EXOC6B: variants seen among roughly 807,000 people sequenced by gnomAD.
The protein encoded by EXOC6B is exocyst complex component 6B, also known as SEC15 homolog B.
A neutral mutation model predicts 113.5 loss-of-function variants in EXOC6B; 54 were observed. That is an observed-to-expected ratio of 0.48 (90% CI 0.38 to 0.60). EXOC6B has a LOEUF of 0.60. Ranked by LOEUF, EXOC6B falls within the 20% of genes least tolerant of loss-of-function variation. The probability of loss-of-function intolerance (pLI) is 0.00; values close to 1 mark genes in which losing one functional copy is unlikely to be tolerated. For missense variants in EXOC6B, 797 were observed against 977.5 expected, an observed-to-expected ratio of 0.82 and a Z score of 2.46; for synonymous variants, 357 against 339.0, an observed-to-expected ratio of 1.05 and a Z score of -0.58.
At chr2:72,422,029 G>T (rs1051897948) in intron 18 of EXOC6B, among the ~76,000 whole-genome samples, 1 of 152,216 alleles carries the variant, frequency 6.6e-6, no homozygotes, top group Non-Finnish European at 1.5e-5. Flanking sequence ...CCGGTGCTGC[G>T]CTCGATTTCT....
chr2:72,491,078 C>T (rs1281643386), intron 16 of EXOC6B, among the ~76,000 whole-genome samples: 1 of 152,136 alleles, frequency 6.6e-6, no homozygotes, highest in East Asian at 1.9e-4. Context: ...ATTTTCACTC[C>T]AACCTTCCTT....
chr2:72,587,524 TG>T (rs1705666570), intron 6 of EXOC6B, among the ~76,000 whole-genome samples: 1 of 152,142 alleles, frequency 6.6e-6, no homozygotes, highest in South Asian at 2.1e-4. Flanking sequence ...GAATCACACG[TG>T]TAACAAACCT....
At chr2:72,524,150 TAAAAAAAAAA>T (rs372964134) in intron 8 of EXOC6B, among the ~76,000 whole-genome samples, 1 of 116,758 alleles carries the variant, frequency 8.6e-6, no homozygotes, top group African/African-American at 3.0e-5. Context: ...ATACAGAGTT[TAAAAAAAAAA>T]AAAAAAAAAA....
intron 19 of EXOC6B, chr2:72,354,186 A>G (rs1049039281): frequency 1.3e-5 from 2 of 152,216 alleles, no homozygotes; most frequent in African/African-American, 4.8e-5. Context: ...GCCACTGTCC[A>G]TAGTTAGAGA....
intron 1 of EXOC6B, among the ~76,000 whole-genome samples, chr2:72,762,935 T>A (rs556649955): frequency 6.6e-6 from 1 of 152,116 alleles, no homozygotes; most frequent in East Asian, 1.9e-4. Context: ...TTAAGGATTG[T>A]ATGTTATATA....
At chr2:72,249,981 T>C (rs1214750144) in intron 20 of EXOC6B, among the ~76,000 whole-genome samples, 1 of 152,212 alleles carries the variant, frequency 6.6e-6, no homozygotes, top group Non-Finnish European at 1.5e-5. Flanking sequence ...AATGTAAGCT[T>C]CCTGAATGTA....
At chr2:72,420,056 G>A (rs1258389564) in intron 18 of EXOC6B, among the ~76,000 whole-genome samples, 1 of 151,708 alleles carries the variant, frequency 6.6e-6, no homozygotes, top group Non-Finnish European at 1.5e-5. Flanking sequence ...CTCATTCTTT[G>A]GTCTGCCTAC....
chr2:72,666,046 T>C (rs1675364994), intron 6 of EXOC6B, among the ~76,000 whole-genome samples: 1 of 152,216 alleles, frequency 6.6e-6, no homozygotes, highest in African/African-American at 2.4e-5. Flanking sequence ...GCTATTTTTA[T>C]ATCAGATAAA....
chr2:72,459,325 G>A (rs980133733), intron 18 of EXOC6B, among the ~76,000 whole-genome samples: 2 of 152,036 alleles, frequency 1.3e-5, no homozygotes, highest in Non-Finnish European at 2.9e-5. Flanking sequence ...CACCACTCCT[G>A]TTCAACATAG....
chr2:72,364,679 G>A (rs1245067167), intron 19 of EXOC6B, among the ~76,000 whole-genome samples: 1 of 151,966 alleles, frequency 6.6e-6, no homozygotes, highest in African/African-American at 2.4e-5. Flanking sequence ...CCATAAGATG[G>A]GTATTATTCT....
chr2:72,808,700 C>T (rs182993495), intron 1 of EXOC6B, among the ~76,000 whole-genome samples: 22 of 152,208 alleles, frequency 1.4e-4, no homozygotes, highest in African/African-American at 3.9e-4. Context: ...GGAAGATCAA[C>T]GGAACCCAGG....
intron 17 of EXOC6B, among the ~76,000 whole-genome samples, chr2:72,469,611 T>C (rs965960260): frequency 1.3e-5 from 2 of 152,146 alleles, no homozygotes; most frequent in African/African-American, 4.8e-5. Flanking sequence ...TTGTTACTCA[T>C]TTCTGGTTTA....
chr2:72,643,523 A>C (rs1673431877), intron 6 of EXOC6B, among the ~76,000 whole-genome samples: 1 of 148,716 alleles, frequency 6.7e-6, no homozygotes, highest in Non-Finnish European at 1.5e-5. Flanking sequence ...ACAAAAAACC[A>C]AACACCGCAT....
chr2:72,543,210 C>T (rs1212613274), intron 8 of EXOC6B, among the ~76,000 whole-genome samples: 1 of 151,894 alleles, frequency 6.6e-6, no homozygotes, highest in Non-Finnish European at 1.5e-5. Context: ...GAGAGTTAGG[C>T]TAAGGACAGA....
At chr2:72,740,928 C>T (rs1681270826) in intron 2 of EXOC6B, among the ~76,000 whole-genome samples, 1 of 151,912 alleles carries the variant, frequency 6.6e-6, no homozygotes, top group Admixed American at 6.6e-5. Context: ...CGGTGAAACC[C>T]CGTCTCTACT....
chr2:72,451,036 T>C (rs1338295672), intron 18 of EXOC6B, among the ~76,000 whole-genome samples: 4 of 152,192 alleles, frequency 2.6e-5, no homozygotes, highest in Non-Finnish European at 4.4e-5. Context: ...ATACCTCCTA[T>C]TTCCTTTACC....
At chr2:72,608,305 GAACA>G (rs1481777908) in intron 6 of EXOC6B, among the ~76,000 whole-genome samples, 1 of 152,102 alleles carries the variant, frequency 6.6e-6, no homozygotes, top group African/African-American at 2.4e-5. Flanking sequence ...AGAAAATAAG[GAACA>G]AACAATAAAA....
intron 19 of EXOC6B, 49 bp downstream of exon 19, chr2:72,379,680 A>G (rs1315480230): frequency 8.4e-6 from 13 of 1,543,148 alleles, no homozygotes; most frequent in Non-Finnish European, 1.1e-5. Flanking sequence ...CCTGACAGAA[A>G]TGAGTTTGCT....
At chr2:72,205,895 G>A (rs1404255595) in intron 20 of EXOC6B, among the ~76,000 whole-genome samples, 3 of 152,170 alleles carry the variant, frequency 2.0e-5, no homozygotes, top group East Asian at 1.9e-4. Context: ...GAAGTTTTGC[G>A]TGGGAGTTCT....
Sources: allele counts gnomAD v4.1 joint callset (sites outside exome capture counted in the v4.1 genomes callset), GRCh38; gene constraint gnomAD v4.1.1; transcripts MANE v1.5; gene names NCBI Gene and HGNC (gene_info 2026-07-23, HGNC 2026-07-21).